Variants in RANBP17 observed in about 807,000 individuals in gnomAD.
The protein encoded by RANBP17 is RAN binding protein 17.
In RANBP17, 158 loss-of-function variants were observed where a neutral mutation model predicts 141.2. That is an observed-to-expected ratio of 1.12 (90% CI 0.98 to 1.28). RANBP17 has a LOEUF of 1.28. Among genes scored for constraint, RANBP17 ranks in the 50% most tolerant of loss-of-function variants. RANBP17 has a pLI of 0.00. For missense variants in RANBP17, 1,438 were observed against 1,290.7 expected (o/e 1.11, Z -1.75); for synonymous variants, 430 against 450.0 (o/e 0.96, Z 0.56).
intron 14 of RANBP17, among the ~76,000 whole-genome samples, chr5:171,007,552 G>A (rs1173270770): frequency 6.6e-6 from 1 of 152,120 alleles, no homozygotes; most frequent in Admixed American, 6.5e-5. Context: ...GAAGGGACAG[G>A]TGGGAGGGAA....
intron 14 of RANBP17, among the ~76,000 whole-genome samples, chr5:171,105,915 TGTCAGAGAAGCA>T (rs900268109): frequency 5.3e-5 from 8 of 152,302 alleles, no homozygotes; most frequent in African/African-American, 1.9e-4. Context: ...ATTTGTTTTT[TGTCAGAGAAGCA>T]GTCACCCCTG....
chr5:171,131,900 G>A (rs535859858), intron 14 of RANBP17, among the ~76,000 whole-genome samples: 2 of 152,152 alleles, frequency 1.3e-5, no homozygotes, highest in Non-Finnish European at 2.9e-5. Flanking sequence ...CCTAGTAAAT[G>A]AGAGTAATTA....
chr5:171,224,233 T>C (rs1292863661), intron 22 of RANBP17, among the ~76,000 whole-genome samples: 5 of 152,202 alleles, frequency 3.3e-5, no homozygotes, highest in African/African-American at 1.2e-4. Context: ...TTTCCTCTCT[T>C]ATTTAAAGGA....
chr5:170,935,692 C>CA (rs1315508588), intron 12 of RANBP17, among the ~76,000 whole-genome samples: 1 of 152,130 alleles, frequency 6.6e-6, no homozygotes, highest in Admixed American at 6.5e-5. Flanking sequence ...TATGAGGTGT[C>CA]AATCGCCCCC....
At chr5:170,884,245 C>A (rs1768963272) in intron 3 of RANBP17, among the ~76,000 whole-genome samples, 1 of 152,138 alleles carries the variant, frequency 6.6e-6, no homozygotes, top group Non-Finnish European at 1.5e-5. Context: ...ACAATTGACC[C>A]TTGAACAATG....
intron 12 of RANBP17, 33 bp from the exon 13 acceptor site, chr5:170,953,564 T>TA: frequency 7.1e-7 from 1 of 1,417,444 alleles, no homozygotes; most frequent in Non-Finnish European, 9.9e-7. Flanking sequence ...TATGAATACT[T>TA]ACTAAACTTT....
intron 18 of RANBP17, among the ~76,000 whole-genome samples, chr5:171,195,743 C>G (rs556792811): frequency 6.6e-6 from 1 of 152,336 alleles, no homozygotes; most frequent in African/African-American, 2.4e-5. Context: ...GGAATCCTGG[C>G]TCGCTGACAT....
In RANBP17 at chr5:171,047,014, CT is replaced by C. The variant is rs35304788; in HGVS notation, c.1710+78657del. On this transcript the variant is annotated intron_variant, in intron 14 of 27. Transcript: ENST00000523189. Reference sequence around the variant, plus strand: ...GCATCTCATTGTAGTTTTATTTTGCCTTTTTTTTTTTTTTTTTTTTGAGATG... The same window carrying C: ...GCATCTCATTGTAGTTTTATTTTGCCTTTTTTTTTTTTTTTTTTTGAGATG... 3.6e-3 allele frequency among the ~76,000 whole-genome samples: 349 copies of C among 97,782 alleles called. 2 individuals carry two copies. The highest frequency in any genetic ancestry group is 0.011 in the African/African-American group (285 of 25,690). The allele number at this position is 97,782 out of a possible 152,430, so 64.1% of individuals were successfully genotyped here.
intron 14 of RANBP17, among the ~76,000 whole-genome samples, chr5:171,012,105 C>CATTTGTTTAAACAAATAATATA (rs1385823469): frequency 1.1e-4 from 17 of 150,682 alleles, no homozygotes; most frequent in Admixed American, 7.3e-4. Context: ...ACAAATAATA[C>CATTTGTTTAAACAAATAATATA]ATTTGTTTAA....
chr5:171,272,033 T>C (rs373031811), intron 25 of RANBP17, among the ~76,000 whole-genome samples: 2 of 152,334 alleles, frequency 1.3e-5, no homozygotes, highest in African/African-American at 4.8e-5. Context: ...AGAGATCATG[T>C]CCTTTGCAGC....
At chr5:170,940,034 A>G (rs1332424515) in intron 12 of RANBP17, among the ~76,000 whole-genome samples, 1 of 152,248 alleles carries the variant, frequency 6.6e-6, no homozygotes, top group Non-Finnish European at 1.5e-5. Flanking sequence ...AAAAAATGGT[A>G]GGAGTGTTCC....
intron 14 of RANBP17, among the ~76,000 whole-genome samples, chr5:171,041,068 T>C (rs182762078): frequency 5.3e-5 from 8 of 152,170 alleles, no homozygotes; most frequent in Admixed American, 3.3e-4. Flanking sequence ...GAAGGCCTCA[T>C]CAGTTCTAGC....
chr5:171,101,407 C>A (rs577773656), intron 14 of RANBP17, among the ~76,000 whole-genome samples: 2 of 152,092 alleles, frequency 1.3e-5, no homozygotes, highest in African/African-American at 4.8e-5. Context: ...TTATCAAGGG[C>A]GAAGATTGCA....
Position 171,057,558 on chromosome 5 carries a change from T to C in RANBP17, c.1710+89181T>C, listed in dbSNP as rs118140110. Among the ~76,000 whole-genome samples, 1,035 of 152,254 alleles carry C rather than the reference T, an allele frequency of 6.8e-3. 40 individuals are homozygous for C. The highest frequency in any genetic ancestry group is 0.043 in the East Asian group (225 of 5,178). ...AGGGTATTTTACCCCCCAGTCTCCA[T>C]TGCTTTACAATCACAAATGATACTG... On this transcript the variant is annotated intron_variant, in intron 14 of 27. Transcript: ENST00000523189.
At chr5:170,949,276 A>G (rs1357650720) in intron 12 of RANBP17, among the ~76,000 whole-genome samples, 1 of 152,190 alleles carries the variant, frequency 6.6e-6, no homozygotes, top group East Asian at 1.9e-4. Flanking sequence ...GCATCAAAGC[A>G]TGCCATCAAG....
intron 18 of RANBP17, among the ~76,000 whole-genome samples, chr5:171,197,165 T>C (rs1762023377): frequency 6.6e-6 from 1 of 152,246 alleles, no homozygotes; most frequent in Non-Finnish European, 1.5e-5. Flanking sequence ...TATTGTATTA[T>C]TCTATGTCAA....
Position 171,110,863 on chromosome 5 carries a change from A to T in RANBP17, c.1711-59267A>T, listed in dbSNP as rs200580934. Among the ~76,000 whole-genome samples the T allele has an allele frequency of 4.6e-3, 669 of 146,996 alleles. 12 individuals carry two copies. The East Asian group carries it at 0.066, about 14-fold the overall frequency. Reference sequence around the variant, plus strand: ...AATAAGAATGTCTTTTTTTTTTTTAATTTTTTTTTTATTATACTTTAAGTT... The same window carrying T: ...AATAAGAATGTCTTTTTTTTTTTTATTTTTTTTTTTATTATACTTTAAGTT... On this transcript the variant is annotated intron_variant, in intron 14 of 27. Coordinates refer to ENST00000523189, the MANE Select transcript of RANBP17 (RefSeq NM_022897.5).
intron 25 of RANBP17, among the ~76,000 whole-genome samples, chr5:171,267,458 C>T (rs1561815037): frequency 6.6e-6 from 1 of 152,100 alleles, no homozygotes; most frequent in African/African-American, 2.4e-5. Flanking sequence ...AATGTAAACA[C>T]ATCAATAGTG....
chr5:171,136,924 C>T (rs952794591), intron 14 of RANBP17, among the ~76,000 whole-genome samples: 9 of 152,106 alleles, frequency 5.9e-5, no homozygotes, highest in African/African-American at 2.2e-4. Context: ...TGGTTTCTCT[C>T]AGTTTTTGTC....
Sources: gnomAD v4.1 joint callset for allele counts (sites outside exome capture counted in the v4.1 genomes callset) on GRCh38, gnomAD v4.1.1 for gene constraint, MANE v1.5 for transcripts, NCBI Gene and HGNC (gene_info 2026-07-23, HGNC 2026-07-21) for gene names.